LHFPL2: variants seen among roughly 807,000 people sequenced by gnomAD.
LHFPL2 encodes the protein LHFPL tetraspan subfamily member 2.
In LHFPL2, 7 loss-of-function variants were observed where a neutral mutation model predicts 17.5. That is an observed-to-expected ratio of 0.40 (90% CI 0.23 to 0.75). The LOEUF is 0.75. Among genes scored for constraint, LHFPL2 ranks in the 30% least tolerant of loss-of-function variants. The probability of loss-of-function intolerance (pLI) is 0.37; values close to 1 mark genes in which losing one functional copy is unlikely to be tolerated. For missense variants in LHFPL2, 241 were observed against 294.8 expected, an observed-to-expected ratio of 0.82 and a Z score of 1.34; for synonymous variants, 134 against 116.2, an observed-to-expected ratio of 1.15 and a Z score of -0.99.
rs1756549528 is a variant in LHFPL2 at position 78,555,545 on chromosome 5, G to A, written c.-186+9268C>T. Among the ~76,000 whole-genome samples the A allele has an allele frequency of 2.6e-5, 4 of 152,230 alleles. No homozygotes were observed. The South Asian group carries it at 8.3e-4, about 32-fold the overall frequency. ...TGGGATGTGGGCAGAGGGGGAAAGAGGTATTTCTGGTAGATGGGGTAAAAG... is the reference window on the plus strand; with the variant it reads ...TGGGATGTGGGCAGAGGGGGAAAGAAGTATTTCTGGTAGATGGGGTAAAAG... On this transcript the variant is annotated intron_variant, in intron 3 of 4. Transcript: ENST00000380345.
At chr5:78,503,982 T>C (rs564351686) in intron 4 of LHFPL2, among the ~76,000 whole-genome samples, 2 of 152,298 alleles carry the variant, frequency 1.3e-5, no homozygotes, top group East Asian at 3.9e-4. Context: ...AGGACTGAAA[T>C]TGAATTCTGA....
At chr5:78,583,101 C>T (rs1218027288) in intron 2 of LHFPL2, among the ~76,000 whole-genome samples, 4 of 151,984 alleles carry the variant, frequency 2.6e-5, no homozygotes, top group Non-Finnish European at 4.4e-5. Flanking sequence ...ACTAGGATTG[C>T]AACCCCTGCC....
intron 2 of LHFPL2, among the ~76,000 whole-genome samples, chr5:78,591,635 G>A (rs765714393): frequency 4.6e-5 from 7 of 152,106 alleles, no homozygotes; most frequent in Non-Finnish European, 7.4e-5. Context: ...TGACATTGTC[G>A]CGTCTACCCT....
At chr5:78,538,164 T>A (rs543887397) in intron 3 of LHFPL2, among the ~76,000 whole-genome samples, 74 of 152,314 alleles carry the variant, frequency 4.9e-4, no homozygotes, top group African/African-American at 1.6e-3. Context: ...ACACGAAAGC[T>A]TATGAAAGGC....
chr5:78,549,597 C>G (rs1309233872), intron 3 of LHFPL2, among the ~76,000 whole-genome samples: 2 of 152,216 alleles, frequency 1.3e-5, no homozygotes, highest in Non-Finnish European at 2.9e-5. Context: ...GCTGAAGACT[C>G]TGAGTAGCCC....
chr5:78,501,481 C>T lies in LHFPL2; in HGVS notation c.430+8303G>A, dbSNP rs188872742. Among the ~76,000 whole-genome samples, 111 of 152,238 alleles carry T rather than the reference C, an allele frequency of 7.3e-4. 1 individual carries two copies. Among genetic ancestry groups the T allele is most frequent in the African/African-American group, 2.6e-3 (107 of 41,536 alleles). On this transcript the variant is annotated intron_variant, in intron 4 of 4. Transcript: ENST00000380345. ...GGTACCTGCGTTAAGATGCGGACCC[C>T]TTTCTAAGAAGCCTATTTATTTACT...
chr5:78,503,912 C>A (rs1754853699), intron 4 of LHFPL2, among the ~76,000 whole-genome samples: 1 of 152,158 alleles, frequency 6.6e-6, no homozygotes, highest in Non-Finnish European at 1.5e-5. Context: ...CAGAACTCAG[C>A]AAGTTGTAGA....
intron 2 of LHFPL2, among the ~76,000 whole-genome samples, chr5:78,586,602 A>C (rs1397421615): frequency 6.6e-6 from 1 of 152,096 alleles, no homozygotes; most frequent in Non-Finnish European, 1.5e-5. Flanking sequence ...ACCACTTGGC[A>C]TGGTTTCAGT....
intron 3 of LHFPL2, among the ~76,000 whole-genome samples, chr5:78,528,152 T>G (rs1008953967): frequency 3.3e-5 from 5 of 152,230 alleles, no homozygotes; most frequent in African/African-American, 4.8e-5. Flanking sequence ...GAACTGTACC[T>G]GCTATGGGCT....
intron 2 of LHFPL2, among the ~76,000 whole-genome samples, chr5:78,573,563 AG>A (rs1298542805): frequency 6.6e-6 from 1 of 152,202 alleles, no homozygotes; most frequent in African/African-American, 2.4e-5. Flanking sequence ...ATCTCTGCAG[AG>A]GGGGTCTCTC....
intron 3 of LHFPL2, among the ~76,000 whole-genome samples, chr5:78,513,600 C>T (rs190051824): frequency 5.3e-4 from 80 of 152,288 alleles, no homozygotes; most frequent in African/African-American, 1.9e-3. Context: ...TGAATTGTAG[C>T]TCCCATAATT....
chr5:78,525,158 C>T (rs1233943758), intron 3 of LHFPL2, among the ~76,000 whole-genome samples: 1 of 152,138 alleles, frequency 6.6e-6, no homozygotes, highest in African/African-American at 2.4e-5. Context: ...GCTGAATGTT[C>T]CCAGGGGACA....
chr5:78,512,296 T>G (rs1214406943), intron 3 of LHFPL2, among the ~76,000 whole-genome samples: 2 of 151,862 alleles, frequency 1.3e-5, no homozygotes, highest in Non-Finnish European at 2.9e-5. Context: ...AGTCCTGGTC[T>G]TCCTGTTTCC....
chr5:78,580,637 T>G (rs543443983), intron 2 of LHFPL2, among the ~76,000 whole-genome samples: 1 of 152,092 alleles, frequency 6.6e-6, no homozygotes, highest in South Asian at 2.1e-4. Context: ...CTCAGGTTTG[T>G]CAAAGATCAG....
chr5:78,643,829 G>A (rs975655727), intron 1 of LHFPL2, among the ~76,000 whole-genome samples: 5 of 152,326 alleles, frequency 3.3e-5, no homozygotes, highest in African/African-American at 9.6e-5. Flanking sequence ...GGGAGGCCAA[G>A]GCAGGCAGAT....
intron 2 of LHFPL2, among the ~76,000 whole-genome samples, chr5:78,576,420 TCTC>T (rs1370133014): frequency 6.6e-6 from 1 of 152,208 alleles, no homozygotes; most frequent in Non-Finnish European, 1.5e-5. Context: ...TACCTTTTGC[TCTC>T]CTGTCCGCTG....
chr5:78,640,437 C>T (rs1745625761), intron 1 of LHFPL2, among the ~76,000 whole-genome samples: 1 of 152,174 alleles, frequency 6.6e-6, no homozygotes. Flanking sequence ...CTGCAGCCTT[C>T]CAGTATTTAT....
intron 3 of LHFPL2, among the ~76,000 whole-genome samples, chr5:78,556,654 T>G (rs936095212): frequency 3.3e-5 from 5 of 152,096 alleles, no homozygotes; most frequent in Non-Finnish European, 5.9e-5. Context: ...TTAAAATGGT[T>G]TAAGATATAC....
chr5:78,546,044 A>G (rs943297185), intron 3 of LHFPL2, among the ~76,000 whole-genome samples: 2 of 152,196 alleles, frequency 1.3e-5, no homozygotes, highest in Admixed American at 6.5e-5. Flanking sequence ...CATGTTACTT[A>G]CTGAGTTCTA....
Sources: allele counts gnomAD v4.1 joint callset (sites outside exome capture counted in the v4.1 genomes callset), GRCh38; gene constraint gnomAD v4.1.1; transcripts MANE v1.5; gene names NCBI Gene and HGNC (gene_info 2026-07-23, HGNC 2026-07-21).